Variants in KCNH5 observed in about 807,000 individuals in gnomAD.
KCNH5 encodes the protein potassium voltage-gated channel subfamily H member 5.
A neutral mutation model predicts 96.1 loss-of-function variants in KCNH5; 46 were observed. The observed-to-expected ratio is 0.48, with a 90% CI of 0.38 to 0.61. The LOEUF is 0.61. Among genes scored for constraint, KCNH5 ranks in the 20% least tolerant of loss-of-function variants. KCNH5 has a pLI of 0.00. For synonymous variants in KCNH5, 439 were observed against 449.8 expected, an observed-to-expected ratio of 0.98 and a Z score of 0.30; for missense variants, 907 against 1,225.8, an observed-to-expected ratio of 0.74 and a Z score of 3.88.
chr14:62,850,246 T>G (rs538720185), intron 7 of KCNH5, among the ~76,000 whole-genome samples: 225 of 152,328 alleles, frequency 1.5e-3, no homozygotes, highest in African/African-American at 5.3e-3. Flanking sequence ...TCAATTTAAA[T>G]TCTTCAGGGA....
At chr14:62,969,098 T>C (rs1431904417) in intron 6 of KCNH5, among the ~76,000 whole-genome samples, 1 of 152,104 alleles carries the variant, frequency 6.6e-6, no homozygotes, top group East Asian at 1.9e-4. Flanking sequence ...TAGAAATCAA[T>C]AACAGAACAA....
At chr14:62,974,316 C>T (rs904482440) in intron 6 of KCNH5, among the ~76,000 whole-genome samples, 1 of 152,140 alleles carries the variant, frequency 6.6e-6, no homozygotes, top group African/African-American at 2.4e-5. Flanking sequence ...TCTGCAGCTG[C>T]TCCATCTTTG....
At chr14:62,727,877 G>A (rs947631255) in intron 10 of KCNH5, among the ~76,000 whole-genome samples, 2 of 149,880 alleles carry the variant, frequency 1.3e-5, no homozygotes, top group African/African-American at 2.5e-5. Flanking sequence ...CAGACTAAAC[G>A]CTCTTTAGCT....
At chr14:62,957,638 C>T (rs74999793) in intron 6 of KCNH5, among the ~76,000 whole-genome samples, 3,755 of 152,312 alleles carry the variant, frequency 0.025, 91 homozygotes, top group African/African-American at 0.069. Context: ...ATATAAATGA[C>T]TGCAGCAGAT....
intron 7 of KCNH5, among the ~76,000 whole-genome samples, chr14:62,886,260 C>G (rs1051290570): frequency 6.6e-6 from 1 of 152,128 alleles, no homozygotes; most frequent in African/African-American, 2.4e-5. Context: ...CCCATCAACC[C>G]AAAAGATAAC....
chr14:62,843,898 ATATT>A (rs934472137), intron 8 of KCNH5, among the ~76,000 whole-genome samples: 8 of 152,192 alleles, frequency 5.3e-5, no homozygotes, highest in African/African-American at 1.9e-4. Flanking sequence ...ATACGATGAA[ATATT>A]TAAACATCAT....
intron 8 of KCNH5, among the ~76,000 whole-genome samples, chr14:62,844,354 G>T (rs1887649283): frequency 6.6e-6 from 1 of 152,010 alleles, no homozygotes; most frequent in African/African-American, 2.4e-5. Context: ...TTGTTTTACA[G>T]GTCTTACATT....
intron 7 of KCNH5, among the ~76,000 whole-genome samples, chr14:62,925,588 C>A (rs748370457): frequency 6.6e-6 from 1 of 152,000 alleles, no homozygotes; most frequent in African/African-American, 2.4e-5. Context: ...CAGGTAAAGA[C>A]AGAAAAATAA....
chr14:62,806,249 G>C (rs1344232504), intron 8 of KCNH5, among the ~76,000 whole-genome samples: 1 of 152,016 alleles, frequency 6.6e-6, no homozygotes, highest in South Asian at 2.1e-4. Flanking sequence ...CATAAAAATG[G>C]GCAACTAGCA....
At chr14:62,882,100 TAAAA>T (rs143123435) in intron 7 of KCNH5, among the ~76,000 whole-genome samples, 26,753 of 76,062 alleles carry the variant, frequency 0.35, 4,306 homozygotes, top group South Asian at 0.59. Context: ...CCCCATTTCT[TAAAA>T]AAAAAAAAAA....
intron 10 of KCNH5, among the ~76,000 whole-genome samples, chr14:62,763,798 T>C (rs1885803493): frequency 1.3e-5 from 2 of 152,122 alleles, no homozygotes; most frequent in African/African-American, 4.8e-5. Flanking sequence ...AATTGATAAA[T>C]TCCTAGAAAC....
intron 10 of KCNH5, among the ~76,000 whole-genome samples, chr14:62,757,230 G>A (rs977333099): frequency 1.3e-5 from 2 of 152,012 alleles, no homozygotes; most frequent in Non-Finnish European, 2.9e-5. Flanking sequence ...ACAATGCAAA[G>A]CTACAATGCA....
At chr14:62,920,457 C>T (rs1373795602) in intron 7 of KCNH5, among the ~76,000 whole-genome samples, 1 of 152,018 alleles carries the variant, frequency 6.6e-6, no homozygotes, top group Non-Finnish European at 1.5e-5. Context: ...GTCAACTGTG[C>T]TAAGTGCTAG....
At chr14:62,950,708 A>G (rs924503238) in intron 6 of KCNH5, 149 bp from the exon 7 acceptor site, 2 of 554,942 alleles carry the variant, frequency 3.6e-6, no homozygotes, top group Admixed American at 7.9e-5. Flanking sequence ...TTAAGAAAAC[A>G]AAAAAGTCAA....
At chr14:62,911,089 T>C (rs1274622324) in intron 7 of KCNH5, among the ~76,000 whole-genome samples, 1 of 152,192 alleles carries the variant, frequency 6.6e-6, no homozygotes, top group Non-Finnish European at 1.5e-5. Flanking sequence ...AACAATGATG[T>C]ATCCCTAACA....
intron 1 of KCNH5, among the ~76,000 whole-genome samples, chr14:63,021,138 G>A (rs1361747181): frequency 2.0e-5 from 3 of 152,016 alleles, no homozygotes; most frequent in African/African-American, 7.3e-5. Context: ...AACTGTGGCA[G>A]GCCATACAGC....
In KCNH5 at chr14:62,980,938, C is replaced by T; in HGVS notation, c.876G>A (p.Trp292Ter). The T allele has an allele frequency of 6.2e-7, 1 of 1,614,098 alleles. No individual in the cohort carries two copies. The highest frequency in any genetic ancestry group is 8.5e-7 in the Non-Finnish European group (1 of 1,180,010). ...AACAAGACAGCAGATCGATCACAAA[C>T]CAAGTTTTCAGATAGTTCATCCTTA... ...KLIRMNYLKT[W>*]FVIDLLSCLP... is the part of the protein sequence containing the mutation. The change falls in exon 6 of 11, where the codon TGG becomes TGA. Residue 292 changes from tryptophan (W) to a stop codon, truncating the protein, a stop_gained. Coordinates refer to ENST00000322893, the MANE Select transcript of KCNH5 (RefSeq NM_139318.5). LOFTEE classifies it high-confidence loss of function.
chr14:63,030,881 C>T (rs910539510), intron 1 of KCNH5, among the ~76,000 whole-genome samples: 1 of 152,140 alleles, frequency 6.6e-6, no homozygotes, highest in Non-Finnish European at 1.5e-5. Context: ...TCATGCTCAG[C>T]CAAGTCTGGC....
intron 7 of KCNH5, among the ~76,000 whole-genome samples, chr14:62,908,782 ATTTTTTTTTTTTTTTTTT>A (rs71120241): frequency 1.3e-4 from 3 of 23,712 alleles, no homozygotes; most frequent in Non-Finnish European, 2.1e-4. Flanking sequence ...TTTGCTTTGT[ATTTTTTTTTTTTTTTTTT>A]TTTTTTTTTT....
Sources: gnomAD v4.1 joint callset for allele counts (sites outside exome capture counted in the v4.1 genomes callset) on GRCh38, gnomAD v4.1.1 for gene constraint, MANE v1.5 for transcripts, NCBI Gene and HGNC (gene_info 2026-07-23, HGNC 2026-07-21) for gene names.